Variants in ADAMTS20 observed in about 807,000 individuals in gnomAD.
ADAMTS20 encodes A disintegrin and metalloproteinase with thrombospondin motifs 20.
In ADAMTS20, 225 loss-of-function variants were observed where a neutral mutation model predicts 260.1. The observed-to-expected ratio is 0.87, with a 90% CI of 0.78 to 0.97. The LOEUF (loss-of-function observed/expected upper bound fraction) is 0.97, where lower values mean the gene tolerates loss of function less well. Among genes scored for constraint, ADAMTS20 ranks in the 50% least tolerant of loss-of-function variants. ADAMTS20 has a pLI of 0.00. For missense variants in ADAMTS20, 2,400 were observed against 2,337.7 expected (o/e 1.03, Z -0.55); for synonymous variants, 802 against 769.5 (o/e 1.04, Z -0.70).
At chr12:43,442,133 C>T (rs1941677510) in intron 16 of ADAMTS20, among the ~76,000 whole-genome samples, 1 of 152,136 alleles carries the variant, frequency 6.6e-6, no homozygotes, top group African/African-American at 2.4e-5. Flanking sequence ...ACGTCATAAA[C>T]ATAAATGTTT....
At chr12:43,523,944 A>T (rs1943106778) in intron 3 of ADAMTS20, among the ~76,000 whole-genome samples, 1 of 151,680 alleles carries the variant, frequency 6.6e-6, no homozygotes, top group Admixed American at 6.6e-5. Flanking sequence ...ACATCACCCA[A>T]GAAACCAGAG....
intron 7 of ADAMTS20, among the ~76,000 whole-genome samples, chr12:43,471,682 AC>A (rs1942264711): frequency 7.2e-6 from 1 of 139,288 alleles, no homozygotes; most frequent in Non-Finnish European, 1.5e-5. Flanking sequence ...CTGACCCCTG[AC>A]CCCCGAGCAG....
At chr12:43,455,612 T>C (rs1051690528) in intron 11 of ADAMTS20, among the ~76,000 whole-genome samples, 1 of 152,174 alleles carries the variant, frequency 6.6e-6, no homozygotes, top group Non-Finnish European at 1.5e-5. Flanking sequence ...TAAATTTCAA[T>C]ATGAGTTTGG....
At chr12:43,512,721 C>G (rs1452100202) in intron 3 of ADAMTS20, among the ~76,000 whole-genome samples, 1 of 152,180 alleles carries the variant, frequency 6.6e-6, no homozygotes, top group African/African-American at 2.4e-5. Flanking sequence ...CTTGCATCCC[C>G]TGAATCACTT....
chr12:43,546,416 CT>C (rs1943441263), intron 2 of ADAMTS20, among the ~76,000 whole-genome samples: 3 of 152,028 alleles, frequency 2.0e-5, no homozygotes, highest in Admixed American at 2.0e-4. Context: ...GAGAAGTTAA[CT>C]GTCTAGGCAG....
intron 4 of ADAMTS20, among the ~76,000 whole-genome samples, chr12:43,501,481 G>GCGCGCACACACACACACACACACA (rs373746834): frequency 4.7e-4 from 55 of 117,844 alleles, no homozygotes; most frequent in East Asian, 3.7e-3. Flanking sequence ...GCGCGCGCGC[G>GCGCGCACACACACACACACACACA]CACACACACA....
chr12:43,549,979 C>T (rs1370434327), intron 2 of ADAMTS20, among the ~76,000 whole-genome samples: 3 of 152,154 alleles, frequency 2.0e-5, no homozygotes, highest in African/African-American at 7.2e-5. Flanking sequence ...TATGTATCTG[C>T]TAAACAAAAG....
intron 28 of ADAMTS20, among the ~76,000 whole-genome samples, chr12:43,415,343 T>G (rs1208538421): frequency 6.6e-6 from 1 of 151,892 alleles, no homozygotes; most frequent in Non-Finnish European, 1.5e-5. Flanking sequence ...ATGTCTTATT[T>G]CCATAAAAGT....
intron 28 of ADAMTS20, among the ~76,000 whole-genome samples, chr12:43,410,424 TA>T (rs1315801478): frequency 1.3e-5 from 2 of 152,174 alleles, no homozygotes; most frequent in African/African-American, 4.8e-5. Flanking sequence ...AAGCAAATTT[TA>T]AAACAAGGCA....
At chr12:43,422,610 A>T (rs1941257000) in intron 28 of ADAMTS20, among the ~76,000 whole-genome samples, 2 of 152,114 alleles carry the variant, frequency 1.3e-5, no homozygotes, top group Admixed American at 1.3e-4. Flanking sequence ...GATTGTAAAA[A>T]TTCTATACAA....
chr12:43,493,357 G>T (rs1258101407), intron 4 of ADAMTS20, 104 bp from the exon 5 acceptor site: 5 of 777,200 alleles, frequency 6.4e-6, no homozygotes, highest in South Asian at 3.5e-5. Flanking sequence ...TGCACTGCAC[G>T]TAGGAATCTT....
intron 3 of ADAMTS20, among the ~76,000 whole-genome samples, chr12:43,526,059 C>T (rs755893377): frequency 6.6e-6 from 1 of 152,168 alleles, no homozygotes; most frequent in East Asian, 1.9e-4. Flanking sequence ...TATTCTACCC[C>T]AAAACTGCAG....
At chr12:43,493,055 A>C in intron 5 of ADAMTS20, 115 bp downstream of exon 5, 2 of 734,712 alleles carry the variant, frequency 2.7e-6, no homozygotes, top group Non-Finnish European at 4.5e-6. Context: ...TTCTCAAATC[A>C]AGTCTTTTAA....
At chr12:43,457,686 C>T (rs952161688) in intron 11 of ADAMTS20, among the ~76,000 whole-genome samples, 3 of 152,182 alleles carry the variant, frequency 2.0e-5, no homozygotes, top group African/African-American at 4.8e-5. Context: ...AATAAATGTT[C>T]TAGTTCCTTT....
At chr12:43,407,372 T>C (rs574773110) in intron 28 of ADAMTS20, among the ~76,000 whole-genome samples, 1 of 151,702 alleles carries the variant, frequency 6.6e-6, no homozygotes, top group African/African-American at 2.4e-5. Flanking sequence ...TATATGTACA[T>C]GTATGTACAC....
chr12:43,463,482 C>T (rs993080638), intron 10 of ADAMTS20, among the ~76,000 whole-genome samples: 4 of 151,930 alleles, frequency 2.6e-5, no homozygotes, highest in African/African-American at 7.2e-5. Context: ...CTGAAGGTTT[C>T]GAAAGAAACA....
At chr12:43,384,078 C>G in intron 29 of ADAMTS20, 101 bp from the exon 30 acceptor site, 1 of 1,075,380 alleles carries the variant, frequency 9.3e-7, no homozygotes, top group Non-Finnish European at 1.3e-6. Flanking sequence ...TTAAATACAG[C>G]CTGGTATTAA....
chr12:43,546,530 A>G (rs1223707513), intron 2 of ADAMTS20, among the ~76,000 whole-genome samples: 1 of 152,228 alleles, frequency 6.6e-6, no homozygotes, highest in Non-Finnish European at 1.5e-5. Context: ...GCCTGTGTAA[A>G]GTTTGTCAAT....
intron 7 of ADAMTS20, among the ~76,000 whole-genome samples, chr12:43,482,724 TG>T (rs1186585920): frequency 4.6e-5 from 7 of 152,150 alleles, no homozygotes; most frequent in African/African-American, 1.4e-4. Flanking sequence ...CAAGGACACT[TG>T]GGAGTTCCAT....
Sources: allele counts gnomAD v4.1 joint callset (sites outside exome capture counted in the v4.1 genomes callset), GRCh38; gene constraint gnomAD v4.1.1; transcripts MANE v1.5; gene names NCBI Gene and HGNC (gene_info 2026-07-23, HGNC 2026-07-21).